NKAIN3: variants seen among roughly 807,000 people sequenced by gnomAD.
The protein encoded by NKAIN3 is sodium/potassium transporting ATPase interacting 3, also known as sodium/potassium-transporting ATPase subunit beta-1-interacting protein 3.
A neutral mutation model predicts 30.2 loss-of-function variants in NKAIN3; 25 were observed. That is an observed-to-expected ratio of 0.83 (90% confidence interval 0.60 to 1.16). The LOEUF is 1.16. NKAIN3 is among the 50% of genes most tolerant of loss of function. The pLI, the probability that NKAIN3 is intolerant of heterozygous loss-of-function variation, is 0.00. For missense variants in NKAIN3, 225 were observed against 254.1 expected, an observed-to-expected ratio of 0.89 and a Z score of 0.78; for synonymous variants, 91 against 89.6, an observed-to-expected ratio of 1.02 and a Z score of -0.09.
intron 4 of NKAIN3, among the ~76,000 whole-genome samples, chr8:62,867,018 G>GCACT (rs1820442202): frequency 6.8e-6 from 1 of 146,346 alleles, no homozygotes. Context: ...TTGCGCCACT[G>GCACT]CACTCCAGAC....
rs36095599 is a variant in NKAIN3, at chr8:62,971,074, C to CTT, written c.*5667_*5668insTT. Among the ~76,000 whole-genome samples the CTT allele has an allele frequency of 0.71, 107,353 of 151,916 alleles. 38,464 individuals are homozygous for CTT. The highest frequency in any genetic ancestry group is 0.96 in the East Asian group (4,941 of 5,152). ...TAGAGACAAGGACCGAGACTCCTCT[C>CTT]ATTGCTTCATCCTCTGTGGCCGCCA... On this transcript the variant is annotated 3_prime_UTR_variant, in exon 7 of 7. Coordinates refer to ENST00000623646, the MANE Select transcript of NKAIN3 (RefSeq NM_001304533.3).
At chr8:62,728,551 CT>C (rs1815334691) in intron 3 of NKAIN3, among the ~76,000 whole-genome samples, 1 of 53,084 alleles carries the variant, frequency 1.9e-5, no homozygotes, top group Admixed American at 2.3e-4. Context: ...GTAATCCCAG[CT>C]ACTCAGGAGG....
chr8:62,869,337 C>G (rs1274939907), intron 4 of NKAIN3, among the ~76,000 whole-genome samples: 1 of 152,154 alleles, frequency 6.6e-6, no homozygotes, highest in Non-Finnish European at 1.5e-5. Context: ...CCCCCCGCCC[C>G]CTGACATGCG....
intron 1 of NKAIN3, among the ~76,000 whole-genome samples, chr8:62,542,665 A>G (rs1162814036): frequency 6.6e-6 from 1 of 152,174 alleles, no homozygotes; most frequent in East Asian, 1.9e-4. Context: ...TACTCACGCA[A>G]TATTTAAACC....
At chr8:62,256,262 T>TA (rs869195917) in intron 1 of NKAIN3, among the ~76,000 whole-genome samples, 13 of 151,116 alleles carry the variant, frequency 8.6e-5, no homozygotes, top group Admixed American at 3.3e-4. Flanking sequence ...AAAAAAAATT[T>TA]AAAAAAAAAT....
chr8:62,730,095 C>G (rs1220896516), intron 3 of NKAIN3, among the ~76,000 whole-genome samples: 1 of 152,102 alleles, frequency 6.6e-6, no homozygotes, highest in African/African-American at 2.4e-5. Flanking sequence ...TTATAAGGGA[C>G]CGACTTTGTA....
chr8:62,464,376 C>A (rs1336691756), intron 1 of NKAIN3, among the ~76,000 whole-genome samples: 2 of 152,166 alleles, frequency 1.3e-5, no homozygotes, highest in Non-Finnish European at 2.9e-5. Context: ...TTATCAATGT[C>A]TAATCTTCCT....
intron 1 of NKAIN3, among the ~76,000 whole-genome samples, chr8:62,407,286 T>A (rs1050286321): frequency 1.3e-5 from 2 of 151,748 alleles, no homozygotes; most frequent in African/African-American, 2.4e-5. Context: ...TGTATATGTG[T>A]GTATATATAT....
chr8:62,869,782 T>C (rs180709692), intron 4 of NKAIN3, among the ~76,000 whole-genome samples: 1 of 152,170 alleles, frequency 6.6e-6, no homozygotes, highest in East Asian at 1.9e-4. Flanking sequence ...TTTGTTTTTG[T>C]TTTGAGACAG....
intron 5 of NKAIN3, among the ~76,000 whole-genome samples, chr8:62,926,502 G>A: frequency 6.6e-6 from 1 of 151,796 alleles, no homozygotes; most frequent in East Asian, 1.9e-4. Context: ...CGCTCCAGGG[G>A]CCTCCCACTC....
chr8:62,372,741 T>G (rs907973325), intron 1 of NKAIN3, among the ~76,000 whole-genome samples: 1 of 152,070 alleles, frequency 6.6e-6, no homozygotes, highest in African/African-American at 2.4e-5. Flanking sequence ...TAGAATCTCA[T>G]AAAATCAAAA....
chr8:62,653,564 ATGCAT>A (rs1453682920), intron 3 of NKAIN3, among the ~76,000 whole-genome samples: 1 of 152,174 alleles, frequency 6.6e-6, no homozygotes, highest in Non-Finnish European at 1.5e-5. Context: ...ATATAAGGGG[ATGCAT>A]AAGCAAGTTA....
chr8:62,786,282 A>T (rs116400978), intron 4 of NKAIN3, among the ~76,000 whole-genome samples: 1,556 of 152,274 alleles, frequency 0.01, 27 homozygotes, highest in African/African-American at 0.034. Flanking sequence ...AAATGACTAA[A>T]TAACACATTT....
At chr8:62,588,423 G>T (rs1006625833) in intron 2 of NKAIN3, among the ~76,000 whole-genome samples, 1 of 151,670 alleles carries the variant, frequency 6.6e-6, no homozygotes. Context: ...TCTTAAAAAT[G>T]AAAGCAAACC....
At chr8:62,989,831 T>C (rs1255214122), downstream of NKAIN3, among the ~76,000 whole-genome samples, 6 of 152,230 alleles carry the variant, frequency 3.9e-5, no homozygotes, top group Middle Eastern at 3.2e-3. Context: ...TATTAGACAT[T>C]GAACCCTAAA....
At chr8:62,880,464 C>G (rs1820940891) in intron 4 of NKAIN3, among the ~76,000 whole-genome samples, 1 of 152,046 alleles carries the variant, frequency 6.6e-6, no homozygotes, top group Non-Finnish European at 1.5e-5. Context: ...AAGTCTGGGC[C>G]CAAAACTTAG....
At position 62,967,536 on chromosome 8, in the gene NKAIN3, A is replaced by C. The variant is rs1044804238; in HGVS notation, c.*2129A>C. ...CACTCAAGCGCTATGAAGAGCCCAC[A>C]GAAACAACAAACTCTGTTTTTTAAA... On this transcript the variant is annotated 3_prime_UTR_variant, in exon 7 of 7. Coordinates refer to ENST00000623646, the MANE Select transcript of NKAIN3 (RefSeq NM_001304533.3). 2.6e-5 allele frequency among the ~76,000 whole-genome samples: 4 copies of C among 152,156 alleles called. No homozygotes were observed. The highest frequency in any genetic ancestry group is 4.4e-5 in the Non-Finnish European group (3 of 68,048).
intron 4 of NKAIN3, among the ~76,000 whole-genome samples, chr8:62,832,707 GC>G (rs1819235800): frequency 6.6e-6 from 1 of 150,732 alleles, no homozygotes; most frequent in African/African-American, 2.5e-5. Flanking sequence ...TACTTCTAGA[GC>G]TATGAAAAGA....
intron 5 of NKAIN3, among the ~76,000 whole-genome samples, chr8:62,930,296 C>T (rs903164897): frequency 6.6e-6 from 1 of 152,118 alleles, no homozygotes; most frequent in Non-Finnish European, 1.5e-5. Flanking sequence ...TCTTGTCCCC[C>T]AGGCTGGAGT....
Sources: gnomAD v4.1 joint callset for allele counts (sites outside exome capture counted in the v4.1 genomes callset) on GRCh38, gnomAD v4.1.1 for gene constraint, MANE v1.5 for transcripts, NCBI Gene and HGNC (gene_info 2026-07-23, HGNC 2026-07-21) for gene names.